SLCO1C1: variants seen among roughly 807,000 people sequenced by gnomAD.
The protein encoded by SLCO1C1 is solute carrier organic anion transporter family member 1C1.
In SLCO1C1, 70 loss-of-function variants were observed where a neutral mutation model predicts 76.4. The ratio of observed to expected loss-of-function variants is 0.92; its 90% CI spans 0.76 to 1.12. The LOEUF (loss-of-function observed/expected upper bound fraction) is 1.12. Ranked by LOEUF, SLCO1C1 falls within the 50% of genes most tolerant of loss-of-function variation. The pLI is 0.00. For missense variants in SLCO1C1, 912 were observed against 823.8 expected (o/e 1.11, Z -1.31); for synonymous variants, 306 against 286.1 (o/e 1.07, Z -0.70).
rs761932321 is a variant in SLCO1C1, at chr12:20,721,991, T to C, written c.963T>C (p.Asp321=). 3 of 1,614,086 alleles carry C rather than the reference T, an allele frequency of 1.9e-6. No homozygotes were observed. The highest frequency in any genetic ancestry group is 1.1e-5 in the South Asian group (1 of 91,078). Residue 321 remains aspartate (D), a synonymous_variant, in exon 8 of 15, where the codon GAT becomes GAC. Transcript: ENST00000266509. The stretch of plus-strand genomic sequence containing the variant: ...AGAAATCCAAGTTTATTATAGATGA[T>C]CACACAGACTACCAAACACCCCAGG... ...SSEKSKFIID[D]HTDYQTPQGE...
At chr12:20,725,095 A>G (rs1046341187) in intron 9 of SLCO1C1, among the ~76,000 whole-genome samples, 1 of 136,170 alleles carries the variant, frequency 7.3e-6, no homozygotes, top group Non-Finnish European at 1.5e-5. Context: ...ATAAAATAAT[A>G]TATACAACAT....
chr12:20,700,733 C>G (rs1393897905), intron 2 of SLCO1C1, among the ~76,000 whole-genome samples: 1 of 151,972 alleles, frequency 6.6e-6, no homozygotes, highest in Non-Finnish European at 1.5e-5. Flanking sequence ...AATGTTCTAT[C>G]ACAGACCCAT....
intron 10 of SLCO1C1, 51 bp from the exon 11 acceptor site, chr12:20,737,056 G>A (rs551822352): frequency 5.0e-5 from 69 of 1,369,478 alleles, no homozygotes; most frequent in African/African-American, 2.0e-4. Context: ...GAAAATATTC[G>A]GGTGCTACCT....
At chr12:20,710,386 A>G (rs12318044) in intron 4 of SLCO1C1, among the ~76,000 whole-genome samples, 25,839 of 151,604 alleles carry the variant, frequency 0.17, 2,353 homozygotes, top group South Asian at 0.22. Context: ...TATTCCTGTG[A>G]TTACTAGCCT....
intron 3 of SLCO1C1, 143 bp from the exon 4 acceptor site, chr12:20,705,806 A>G (rs1946744356): frequency 1.4e-6 from 1 of 733,252 alleles, no homozygotes; most frequent in Non-Finnish European, 2.2e-6. Context: ...GTCATCTCAG[A>G]TTAAAGGAAA....
intron 9 of SLCO1C1, among the ~76,000 whole-genome samples, chr12:20,725,943 C>T (rs1156929279): frequency 3.9e-5 from 6 of 151,986 alleles, no homozygotes; most frequent in African/African-American, 1.4e-4. Context: ...AATTCAAATA[C>T]TTTTGTGAGA....
At position 20,751,815 on chromosome 12, in the gene SLCO1C1, G is replaced by C. The variant is rs965800454; in HGVS notation, c.1917-491G>C. 8.5e-5 allele frequency among the ~76,000 whole-genome samples: 13 copies of C among 152,166 alleles called. No individual in the cohort carries two copies. In the South Asian group the frequency reaches 2.7e-3, roughly 32 times the overall value. ...TGAAATAAACTGATTTAAATCTCTG[G>C]TTTATTCTGAAATCATTCTGCTTTA... On this transcript the variant is annotated intron_variant, in intron 14 of 14. Transcript: ENST00000266509.
At chr12:20,716,685 C>A (rs1365850600) in intron 6 of SLCO1C1, among the ~76,000 whole-genome samples, 1 of 152,086 alleles carries the variant, frequency 6.6e-6, no homozygotes, top group Non-Finnish European at 1.5e-5. Context: ...CTAATGATAC[C>A]ACAGAACCTT....
At chr12:20,743,196 C>T in intron 12 of SLCO1C1, 109 bp from the exon 13 acceptor site, 2 of 1,015,564 alleles carry the variant, frequency 2.0e-6, no homozygotes, top group South Asian at 3.1e-5. Flanking sequence ...ACATAAATGG[C>T]ACTTGAATTC....
chr12:20,710,959 G>GGTAC lies in SLCO1C1; in HGVS notation c.405-424_405-421dup, dbSNP rs577203880. Among the ~76,000 whole-genome samples, 24 of 152,190 alleles carry GGTAC rather than the reference G, an allele frequency of 1.6e-4. 1 individual carries two copies. The South Asian group carries it at 4.8e-3, about 30-fold the overall frequency. ...TTTCTGTCATTAATTGACTGGCCCA[G>GGTAC]GTACGTGTAAAGCAGGAGTGTCCAA... is the stretch of plus-strand genomic sequence containing the variant. On this transcript the variant is annotated intron_variant, in intron 4 of 14. Transcript: ENST00000266509.
intron 7 of SLCO1C1, among the ~76,000 whole-genome samples, chr12:20,717,648 CTTTTTTTTTTTTTTTT>C (rs534946900): frequency 1.6e-3 from 68 of 42,312 alleles, no homozygotes; most frequent in East Asian, 7.2e-3. Flanking sequence ...AACAGCCCTT[CTTTTTTTTTTTTTTTT>C]TTTTTTTTTT....
At chr12:20,741,270 G>A (rs1332945086) in intron 12 of SLCO1C1, among the ~76,000 whole-genome samples, 1 of 152,106 alleles carries the variant, frequency 6.6e-6, no homozygotes, top group Admixed American at 6.5e-5. Flanking sequence ...GGAACAGAGA[G>A]CCAGACCATA....
chr12:20,722,697 A>C (rs1474463465), intron 8 of SLCO1C1, among the ~76,000 whole-genome samples: 1 of 152,356 alleles, frequency 6.6e-6, no homozygotes, highest in Admixed American at 6.5e-5. Flanking sequence ...TTTGACCACA[A>C]GCTAAGTTTG....
chr12:20,736,540 A>G (rs533217580), intron 10 of SLCO1C1, among the ~76,000 whole-genome samples: 164 of 152,294 alleles, frequency 1.1e-3, no homozygotes, highest in Non-Finnish European at 2.0e-3. Flanking sequence ...AGAAAGGTTG[A>G]ATGAACTGGG....
intron 14 of SLCO1C1, 84 bp from the exon 15 acceptor site, chr12:20,752,222 C>A: frequency 1.2e-6 from 1 of 849,416 alleles, no homozygotes; most frequent in East Asian, 2.7e-5. Context: ...TAAAGAAAAC[C>A]ATCAGTATGA....
chr12:20,751,061 G>T (rs900497456), intron 14 of SLCO1C1, among the ~76,000 whole-genome samples: 1 of 152,032 alleles, frequency 6.6e-6, no homozygotes, highest in Non-Finnish European at 1.5e-5. Flanking sequence ...GTAGAATTTT[G>T]AAAGTTTATG....
In SLCO1C1 at chr12:20,721,927, C is replaced by G; in HGVS notation, c.899C>G (p.Pro300Arg). 6.2e-7 allele frequency: 1 copy of G among 1,614,030 alleles called. No individual in the cohort carries two copies. The highest frequency in any genetic ancestry group is 8.5e-7 in the Non-Finnish European group (1 of 1,179,994). Residue 300 changes from proline to arginine, a missense_variant, in exon 8 of 15, where the codon CCA becomes CGA. Physicochemically the swap from Pro to Arg is moderately radical, Grantham distance 103 (BLOSUM62 -2). Transcript: ENST00000266509. ...TTCTGGTATTTACCAAAGAGTTTAC[C>G]AAGATCCCAAAGTAGAGAGGATTCT... is the stretch of plus-strand genomic sequence containing the variant. ...VPFWYLPKSL[P>R]RSQSREDSNS...
intron 5 of SLCO1C1, among the ~76,000 whole-genome samples, chr12:20,712,908 G>A (rs577147649): frequency 1.3e-5 from 2 of 152,266 alleles, no homozygotes; most frequent in South Asian, 2.1e-4. Flanking sequence ...ATGAAAGGGG[G>A]TAATAGATAT....
intron 11 of SLCO1C1, 145 bp from the exon 12 acceptor site, chr12:20,740,039 C>G (rs1296682539): frequency 1.3e-6 from 1 of 795,900 alleles, no homozygotes; most frequent in Non-Finnish European, 1.9e-6. Flanking sequence ...TTGCTTTGCT[C>G]AATATACTGT....
Sources: allele counts gnomAD v4.1 joint callset (sites outside exome capture counted in the v4.1 genomes callset), GRCh38; gene constraint gnomAD v4.1.1; transcripts MANE v1.5; gene names NCBI Gene and HGNC (gene_info 2026-07-23, HGNC 2026-07-21).